ANO4: variants seen among roughly 807,000 people sequenced by gnomAD.
ANO4 encodes the protein anoctamin-4.
A neutral mutation model predicts 141.9 loss-of-function variants in ANO4; 69 were observed. The observed-to-expected ratio is 0.49, with a 90% CI of 0.40 to 0.59. The LOEUF is 0.59. ANO4 is among the 20% of genes least tolerant of loss of function. The pLI, the probability that ANO4 is intolerant of heterozygous loss-of-function variation, is 0.00. For missense variants in ANO4, 894 were observed against 1,162.2 expected, an observed-to-expected ratio of 0.77 and a Z score of 3.36; for synonymous variants, 350 against 394.3, an observed-to-expected ratio of 0.89 and a Z score of 1.33.
At chr12:100,956,050 A>G (rs1205185272) in intron 5 of ANO4, among the ~76,000 whole-genome samples, 1 of 152,230 alleles carries the variant, frequency 6.6e-6, no homozygotes, top group Non-Finnish European at 1.5e-5. Flanking sequence ...AATTGACATC[A>G]GATACAATTG....
chr12:100,858,926 T>A (rs1422030781), intron 1 of ANO4: 3 of 152,154 alleles, frequency 2.0e-5, no homozygotes, highest in Non-Finnish European at 4.4e-5. Flanking sequence ...AAGTGCCACG[T>A]ACTAGGTTTT....
chr12:101,063,591 C>T (rs1013424302), intron 14 of ANO4, among the ~76,000 whole-genome samples: 3 of 151,924 alleles, frequency 2.0e-5, no homozygotes, highest in East Asian at 1.9e-4. Flanking sequence ...AGTTAGGAAA[C>T]GTACTTTCTT....
At chr12:100,723,146 G>A (rs1293060255) in intron 1 of ANO4, among the ~76,000 whole-genome samples, 1 of 152,142 alleles carries the variant, frequency 6.6e-6, no homozygotes. Context: ...TCTTTGTGGG[G>A]TAAAATTAAA....
intron 7 of ANO4, among the ~76,000 whole-genome samples, chr12:100,975,883 T>C (rs2044161704): frequency 6.9e-6 from 1 of 144,054 alleles, no homozygotes; most frequent in Non-Finnish European, 1.5e-5. Context: ...TAATAACATA[T>C]GCAGATGTAT....
At chr12:100,879,804 GAAC>G (rs1383499016) in intron 1 of ANO4, among the ~76,000 whole-genome samples, 2 of 152,120 alleles carry the variant, frequency 1.3e-5, no homozygotes, top group African/African-American at 4.8e-5. Context: ...ATTAATGAAA[GAAC>G]ACATTCCAGA....
chr12:100,853,334 T>C (rs2037984854), intron 1 of ANO4, among the ~76,000 whole-genome samples: 1 of 152,152 alleles, frequency 6.6e-6, no homozygotes, highest in Non-Finnish European at 1.5e-5. Flanking sequence ...AAGTACATTG[T>C]ATGTCCTGTT....
intron 22 of ANO4, among the ~76,000 whole-genome samples, chr12:101,101,803 C>T (rs747520326): frequency 1.3e-5 from 2 of 152,006 alleles, no homozygotes; most frequent in African/African-American, 2.4e-5. Flanking sequence ...CTGTTATTGA[C>T]CAGGCGTGGT....
At chr12:100,721,850 T>A (rs1289601438) in intron 1 of ANO4, among the ~76,000 whole-genome samples, 2 of 148,168 alleles carry the variant, frequency 1.3e-5, no homozygotes, top group Admixed American at 1.4e-4. Flanking sequence ...GGCTAACTTT[T>A]AATTTTTTTT....
intron 21 of ANO4, among the ~76,000 whole-genome samples, chr12:101,098,255 A>G (rs540994123): frequency 6.6e-6 from 1 of 152,326 alleles, no homozygotes; most frequent in South Asian, 2.1e-4. Context: ...CAGCATTGCA[A>G]GTCCTTAGCT....
intron 9 of ANO4, among the ~76,000 whole-genome samples, chr12:101,025,549 T>C (rs1167883610): frequency 3.9e-5 from 6 of 152,208 alleles, no homozygotes; most frequent in African/African-American, 1.4e-4. Context: ...GATCAGTGCA[T>C]ACATGTCCGG....
In ANO4 at chr12:101,090,509, A is replaced by G. The variant is rs1485168778; in HGVS notation, c.1701+3685A>G. ...AAACTATCGCAAGGACAGAAAACCA[A>G]ACACCGCATGTTCTCACTCATAGGT... On this transcript the variant is annotated intron_variant, in intron 17 of 27. Coordinates refer to ENST00000392977, the MANE Select transcript of ANO4 (RefSeq NM_001286615.2). Among the ~76,000 whole-genome samples, 5 of 152,160 alleles carry G rather than the reference A, an allele frequency of 3.3e-5. No individual in the cohort carries two copies. In the East Asian group the frequency reaches 9.6e-4, roughly 29 times the overall value.
intron 7 of ANO4, among the ~76,000 whole-genome samples, chr12:100,975,679 G>A (rs1334279834): frequency 3.3e-5 from 5 of 151,688 alleles, no homozygotes; most frequent in Non-Finnish European, 5.9e-5. Flanking sequence ...GACCTCAGGC[G>A]ATCCGCCCAC....
chr12:101,086,642 G>A lies in ANO4; in HGVS notation c.1537-18G>A, dbSNP rs1264342766. On this transcript the variant is annotated intron_variant, in intron 16 of 27. Coordinates refer to ENST00000392977, the MANE Select transcript of ANO4 (RefSeq NM_001286615.2). ...CATTCCACCAAGAGGTTCACCGGGTGTCTTGTCTTCCTGCCAGATCTGCGT... is the reference window on the plus strand; with the variant it reads ...CATTCCACCAAGAGGTTCACCGGGTATCTTGTCTTCCTGCCAGATCTGCGT... 6.2e-7 allele frequency: 1 copy of A among 1,612,792 alleles called. No homozygotes were observed. Among genetic ancestry groups the A allele is most frequent in the African/African-American group, 1.3e-5 (1 of 74,840 alleles).
chr12:101,063,745 C>CTTTTTTTTTT lies in ANO4; in HGVS notation c.1312+15368_1312+15377dup. ...ATGGATGGAAGGTTGTCCAGGTTAT[C>CTTTTTTTTTT]TTTTTTTTTTTTTTTTTTTTTTTTT... On this transcript the variant is annotated intron_variant, in intron 14 of 27. Coordinates refer to ENST00000392977, the MANE Select transcript of ANO4 (RefSeq NM_001286615.2). Among the ~76,000 whole-genome samples, 79 of 24,808 alleles carry CTTTTTTTTTT rather than the reference C, an allele frequency of 3.2e-3. 14 individuals carry two copies. Among genetic ancestry groups the CTTTTTTTTTT allele is most frequent in the South Asian group, 9.2e-3 (3 of 326 alleles). 16.3% of individuals were successfully genotyped at this position (24,808 alleles called of 152,430 possible).
rs186476797 is a variant in ANO4, at chr12:100,853,328, A to G, written c.-140-48318A>G. Among the ~76,000 whole-genome samples the G allele has an allele frequency of 5.2e-3, 788 of 152,280 alleles. 4 individuals carry two copies. The highest frequency in any genetic ancestry group is 9.0e-3 in the Non-Finnish European group (613 of 68,012). On this transcript the variant is annotated intron_variant, in intron 1 of 27. Transcript: ENST00000392977. The stretch of plus-strand genomic sequence containing the variant: ...ATTTACCATTCTTTTATTGTTAAGT[A>G]CATTGTATGTCCTGTTTAAGAAATA...
At chr12:100,936,456 G>T in intron 3 of ANO4, among the ~76,000 whole-genome samples, 1 of 152,164 alleles carries the variant, frequency 6.6e-6, no homozygotes, top group East Asian at 1.9e-4. Flanking sequence ...ACTGGTCCCA[G>T]TTGAGAACCA....
At chr12:100,962,752 CAGG>C (rs2043481574) in intron 5 of ANO4, among the ~76,000 whole-genome samples, 1 of 152,174 alleles carries the variant, frequency 6.6e-6, no homozygotes, top group Non-Finnish European at 1.5e-5. Context: ...TCAAAGCGAG[CAGG>C]AGAATCTCTC....
chr12:101,001,095 T>C (rs998135913), intron 8 of ANO4, among the ~76,000 whole-genome samples: 2 of 152,208 alleles, frequency 1.3e-5, no homozygotes, highest in Non-Finnish European at 2.9e-5. Context: ...TTAACTTCAG[T>C]ATGTTAAGTT....
At chr12:100,917,481 A>G (rs1185998368) in intron 2 of ANO4, among the ~76,000 whole-genome samples, 1 of 152,224 alleles carries the variant, frequency 6.6e-6, no homozygotes, top group Non-Finnish European at 1.5e-5. Flanking sequence ...ATGAATAACA[A>G]TAAATAAATA....
Sources: gnomAD v4.1 joint callset for allele counts (sites outside exome capture counted in the v4.1 genomes callset) on GRCh38, gnomAD v4.1.1 for gene constraint, MANE v1.5 for transcripts, NCBI Gene and HGNC (gene_info 2026-07-23, HGNC 2026-07-21) for gene names.